PRKG1: variants seen among roughly 807,000 people sequenced by gnomAD.
The protein encoded by PRKG1 is protein kinase cGMP-dependent 1, also known as cGMP-dependent protein kinase 1.
PRKG1 carries 35 observed loss-of-function variants against 88.1 expected under a neutral mutation model. The ratio of observed to expected loss-of-function variants is 0.40; its 90% CI spans 0.30 to 0.53. The LOEUF is 0.53. PRKG1 is among the 20% of genes least tolerant of loss of function. PRKG1 has a pLI of 0.59. For synonymous variants in PRKG1, 303 were observed against 292.5 expected, an observed-to-expected ratio of 1.04 and a Z score of -0.37; for missense variants, 540 against 839.8, an observed-to-expected ratio of 0.64 and a Z score of 4.41.
chr10:51,656,756 T>C (rs887064128), intron 3 of PRKG1, among the ~76,000 whole-genome samples: 1 of 152,156 alleles, frequency 6.6e-6, no homozygotes, highest in Admixed American at 6.6e-5. Flanking sequence ...GTATTCATTT[T>C]CCTTCCTCAA....
intron 3 of PRKG1, among the ~76,000 whole-genome samples, chr10:51,752,046 G>A (rs1034203657): frequency 1.3e-5 from 2 of 152,102 alleles, no homozygotes; most frequent in Non-Finnish European, 2.9e-5. Flanking sequence ...AGTATTGCCA[G>A]TGTCTGTTTT....
chr10:51,870,292 A>G (rs1385489847), intron 4 of PRKG1, among the ~76,000 whole-genome samples: 1 of 152,106 alleles, frequency 6.6e-6, no homozygotes, highest in East Asian at 1.9e-4. Flanking sequence ...TTCAATGATG[A>G]TCAGGAATTA....
chr10:51,345,131 T>C (rs1284298967), intron 2 of PRKG1, among the ~76,000 whole-genome samples: 1 of 152,180 alleles, frequency 6.6e-6, no homozygotes, highest in Non-Finnish European at 1.5e-5. Flanking sequence ...CAGAAAACTT[T>C]AAAATATGTG....
At chr10:51,991,382 AT>A (rs1000789176) in intron 5 of PRKG1, among the ~76,000 whole-genome samples, 44 of 150,104 alleles carry the variant, frequency 2.9e-4, no homozygotes, top group African/African-American at 7.6e-4. Flanking sequence ...TCTTTTCCAG[AT>A]TTTTTTTTTA....
intron 7 of PRKG1, among the ~76,000 whole-genome samples, chr10:52,082,730 T>G (rs1484260156): frequency 6.6e-6 from 1 of 152,122 alleles, no homozygotes; most frequent in African/African-American, 2.4e-5. Flanking sequence ...GCCTGCCCAT[T>G]TATCCAAAAC....
chr10:51,657,917 G>A (rs1035284886), intron 3 of PRKG1, among the ~76,000 whole-genome samples: 9 of 152,078 alleles, frequency 5.9e-5, no homozygotes, highest in Non-Finnish European at 8.8e-5. Context: ...CAAACAAAGT[G>A]TTTGTCCAGA....
chr10:52,060,146 G>A (rs143911375), intron 6 of PRKG1, among the ~76,000 whole-genome samples: 77 of 151,912 alleles, frequency 5.1e-4, no homozygotes, highest in Non-Finnish European at 9.6e-4. Flanking sequence ...TGATAATATG[G>A]AAACTTGATT....
intron 3 of PRKG1, among the ~76,000 whole-genome samples, chr10:51,671,164 TAAG>T (rs1470310944): frequency 1.3e-5 from 2 of 152,146 alleles, no homozygotes; most frequent in Non-Finnish European, 2.9e-5. Flanking sequence ...CTTTCTTAAG[TAAG>T]AAAGTCAGGA....
chr10:51,051,553 C>G (rs1843561326), intron 1 of PRKG1, among the ~76,000 whole-genome samples: 1 of 152,150 alleles, frequency 6.6e-6, no homozygotes, highest in African/African-American at 2.4e-5. Context: ...TCTTTTTTCT[C>G]TGACTTCTCC....
intron 5 of PRKG1, among the ~76,000 whole-genome samples, chr10:51,960,993 A>T (rs1753804939): frequency 6.6e-6 from 1 of 152,188 alleles, no homozygotes; most frequent in Admixed American, 6.6e-5. Flanking sequence ...GTGTTCTGCC[A>T]GTCTTCATGT....
chr10:51,885,209 T>C (rs191488701), intron 4 of PRKG1, among the ~76,000 whole-genome samples: 2 of 152,312 alleles, frequency 1.3e-5, no homozygotes, highest in African/African-American at 2.4e-5. Flanking sequence ...TTAGAATGTG[T>C]TAATGCATGT....
intron 2 of PRKG1, among the ~76,000 whole-genome samples, chr10:51,312,429 A>G (rs559902914): frequency 6.6e-6 from 1 of 152,332 alleles, no homozygotes; most frequent in South Asian, 2.1e-4. Flanking sequence ...ACAGCCCCAG[A>G]GTGAGAGGCA....
chr10:51,706,685 G>A (rs1841612648), intron 3 of PRKG1, among the ~76,000 whole-genome samples: 2 of 152,054 alleles, frequency 1.3e-5, no homozygotes, highest in Non-Finnish European at 2.9e-5. Context: ...GTAGAGTGAA[G>A]GAATTAAGAG....
At chr10:51,957,688 G>T (rs1282512956) in intron 5 of PRKG1, among the ~76,000 whole-genome samples, 2 of 152,136 alleles carry the variant, frequency 1.3e-5, no homozygotes, top group Admixed American at 1.3e-4. Flanking sequence ...TCCAGAATAA[G>T]AGAGAGAATC....
intron 9 of PRKG1, 41 bp from the exon 10 acceptor site, chr10:52,251,529 A>T: frequency 6.7e-7 from 1 of 1,498,426 alleles, no homozygotes. Context: ...TCGTGTTTGC[A>T]CCTCTAAGAA....
At chr10:51,304,034 G>T (rs1007099657) in intron 2 of PRKG1, among the ~76,000 whole-genome samples, 1 of 151,892 alleles carries the variant, frequency 6.6e-6, no homozygotes, top group African/African-American at 2.4e-5. Flanking sequence ...TGGCCAGGCT[G>T]TTCTTGAACT....
intron 7 of PRKG1, among the ~76,000 whole-genome samples, chr10:52,105,114 T>G (rs1409655193): frequency 6.6e-6 from 1 of 150,550 alleles, no homozygotes; most frequent in Non-Finnish European, 1.5e-5. Context: ...TCTTAAAATC[T>G]TAAAAGGAAG....
intron 3 of PRKG1, among the ~76,000 whole-genome samples, chr10:51,547,029 A>G (rs1842458214): frequency 8.9e-6 from 1 of 112,264 alleles, no homozygotes; most frequent in South Asian, 3.3e-4. Flanking sequence ...AGCATTGCTT[A>G]TTATAGATAT....
chr10:51,939,661 T>C (rs542033634), intron 5 of PRKG1, among the ~76,000 whole-genome samples: 51 of 152,006 alleles, frequency 3.4e-4, no homozygotes, highest in African/African-American at 1.1e-3. Flanking sequence ...TAACTTGTCT[T>C]TTTTGGCCTC....
Sources: gnomAD v4.1 joint callset for allele counts (sites outside exome capture counted in the v4.1 genomes callset) on GRCh38, gnomAD v4.1.1 for gene constraint, MANE v1.5 for transcripts, NCBI Gene and HGNC (gene_info 2026-07-23, HGNC 2026-07-21) for gene names.